LSM12: variants seen among roughly 807,000 people sequenced by gnomAD.
LSM12 encodes protein LSM12.
For missense variants in LSM12, 108 were observed against 238.9 expected (o/e 0.45, Z 3.61); for synonymous variants, 74 against 87.3 (o/e 0.85, Z 0.85).
intron 2 of LSM12, among the ~76,000 whole-genome samples, chr17:44,043,815 A>AT (rs1253000305): frequency 6.6e-6 from 1 of 152,012 alleles, no homozygotes; most frequent in Non-Finnish European, 1.5e-5. Flanking sequence ...TTAAAAAAAA[A>AT]AAAAAAAATC....
intron 2 of LSM12, among the ~76,000 whole-genome samples, chr17:44,059,208 G>A (rs969372249): frequency 3.3e-5 from 5 of 151,908 alleles, no homozygotes; most frequent in South Asian, 2.1e-4. Context: ...ACACACACAC[G>A]AAACATAACT....
chr17:44,062,855 T>C (rs2049816935), intron 2 of LSM12, among the ~76,000 whole-genome samples: 1 of 151,398 alleles, frequency 6.6e-6, no homozygotes. Flanking sequence ...AAACCCCGTC[T>C]CTACTAAAAT....
At chr17:44,051,530 G>C (rs1346587772) in intron 2 of LSM12, among the ~76,000 whole-genome samples, 1 of 151,942 alleles carries the variant, frequency 6.6e-6, no homozygotes, top group East Asian at 1.9e-4. Flanking sequence ...TTCAACCTAA[G>C]TGACAAAGTA....
intron 3 of LSM12, among the ~76,000 whole-genome samples, chr17:44,039,013 G>T (rs1194886410): frequency 6.6e-6 from 1 of 152,166 alleles, no homozygotes; most frequent in African/African-American, 2.4e-5. Context: ...CAGTTTTTCA[G>T]CAGCTAGGGA....
At chr17:44,051,012 G>C (rs906701779) in intron 2 of LSM12, among the ~76,000 whole-genome samples, 4 of 151,992 alleles carry the variant, frequency 2.6e-5, no homozygotes, top group Non-Finnish European at 4.4e-5. Flanking sequence ...AGTGGCTCAC[G>C]CCTGTAATCC....
At chr17:44,048,567 C>T (rs2144088806) in intron 2 of LSM12, among the ~76,000 whole-genome samples, 1 of 151,852 alleles carries the variant, frequency 6.6e-6, no homozygotes, top group Non-Finnish European at 1.5e-5. Flanking sequence ...ATGCTAGCTG[C>T]TGGCCTCACT....
At chr17:44,058,113 T>A (rs897325889) in intron 2 of LSM12, among the ~76,000 whole-genome samples, 18 of 151,640 alleles carry the variant, frequency 1.2e-4, no homozygotes, top group African/African-American at 4.4e-4. Flanking sequence ...GGTGGGCGCC[T>A]GTAGTCCCAG....
At chr17:44,063,224 G>A (rs2049823358) in intron 2 of LSM12, among the ~76,000 whole-genome samples, 1 of 152,180 alleles carries the variant, frequency 6.6e-6, no homozygotes, top group Admixed American at 6.5e-5. Flanking sequence ...GCAAGACCCT[G>A]TCTCACACAT....
chr17:44,045,153 A>G (rs965967074), intron 2 of LSM12, among the ~76,000 whole-genome samples: 5 of 151,842 alleles, frequency 3.3e-5, no homozygotes, highest in East Asian at 1.9e-4. Flanking sequence ...TCAGCCTCCC[A>G]AGTAGCTGGG....
intron 2 of LSM12, among the ~76,000 whole-genome samples, chr17:44,055,951 T>C (rs944315086): frequency 6.6e-6 from 1 of 151,560 alleles, no homozygotes; most frequent in Non-Finnish European, 1.5e-5. Flanking sequence ...AACGAATTCT[T>C]CCCTCAATGT....
intron 2 of LSM12, among the ~76,000 whole-genome samples, chr17:44,041,704 CCT>C (rs1344807216): frequency 6.6e-6 from 1 of 152,142 alleles, no homozygotes; most frequent in Non-Finnish European, 1.5e-5. Flanking sequence ...TAACTTCTAC[CCT>C]GTCAATCCCT....
intron 2 of LSM12, among the ~76,000 whole-genome samples, chr17:44,052,249 A>C (rs976032966): frequency 5.9e-5 from 9 of 151,894 alleles, no homozygotes; most frequent in East Asian, 1.9e-4. Flanking sequence ...ATTAAAAAAA[A>C]AAACAAACAA....
intron 2 of LSM12, among the ~76,000 whole-genome samples, chr17:44,048,818 T>C (rs1029633380): frequency 6.6e-6 from 1 of 152,208 alleles, no homozygotes; most frequent in African/African-American, 2.4e-5. Context: ...TTTCCTCCTG[T>C]GCCCGTTTTA....
At chr17:44,044,775 G>A (rs768982584) in intron 2 of LSM12, among the ~76,000 whole-genome samples, 2 of 152,218 alleles carry the variant, frequency 1.3e-5, no homozygotes, top group Admixed American at 6.5e-5. Context: ...AACTCATGCA[G>A]AACATGAATA....
At chr17:44,060,521 C>T (rs550255444) in intron 2 of LSM12, among the ~76,000 whole-genome samples, 9 of 152,158 alleles carry the variant, frequency 5.9e-5, no homozygotes, top group Non-Finnish European at 1.0e-4. Flanking sequence ...TCTCTGCAAA[C>T]GGAAGAATGA....
At chr17:44,045,545 G>A (rs1456822605) in intron 2 of LSM12, among the ~76,000 whole-genome samples, 1 of 152,106 alleles carries the variant, frequency 6.6e-6, no homozygotes, top group Non-Finnish European at 1.5e-5. Flanking sequence ...ATGGACAGTT[G>A]ATCAAAATCT....
chr17:44,058,843 A>G (rs1344436406), intron 2 of LSM12, among the ~76,000 whole-genome samples: 1 of 152,080 alleles, frequency 6.6e-6, no homozygotes, highest in Non-Finnish European at 1.5e-5. Context: ...TCAAAAAAGA[A>G]AGAAAAATTA....
intron 2 of LSM12, among the ~76,000 whole-genome samples, chr17:44,055,527 A>AT (rs35745008): frequency 6.7e-6 from 1 of 148,488 alleles, no homozygotes; most frequent in Non-Finnish European, 1.5e-5. Context: ...AAAAAAAAAA[A>AT]TTAGCCGGGC....
intron 2 of LSM12, among the ~76,000 whole-genome samples, chr17:44,047,404 G>A (rs1336048950): frequency 1.3e-5 from 2 of 151,710 alleles, no homozygotes; most frequent in East Asian, 2.0e-4. Context: ...ACACCACCAC[G>A]CCCAGCTAAT....
Sources: allele counts gnomAD v4.1 joint callset (sites outside exome capture counted in the v4.1 genomes callset), GRCh38; gene constraint gnomAD v4.1.1; transcripts MANE v1.5; gene names NCBI Gene and HGNC (gene_info 2026-07-23, HGNC 2026-07-21).